OR14I1: variants seen among roughly 807,000 people sequenced by gnomAD.
The protein encoded by OR14I1 is olfactory receptor family 14 subfamily I member 1.
For missense variants in OR14I1, 279 were observed against 181.8 expected (o/e 1.53, Z -3.07); for synonymous variants, 118 against 71.1 (o/e 1.66, Z -3.32).
At chr1:248,680,115 T>C (rs543950956), downstream of OR14I1, among the ~76,000 whole-genome samples, 11 of 152,368 alleles carry the variant, frequency 7.2e-5, no homozygotes, top group African/African-American at 2.6e-4. Flanking sequence ...AGTAACTTTT[T>C]TCCTTGTTTT....
chr1:248,681,594 G>A (rs938797156), exon 1 of OR14I1: 13 of 780,918 alleles, frequency 1.7e-5, no homozygotes, highest in African/African-American at 5.1e-5. Flanking sequence ...GGGAGCAGGT[G>A]GAGAAGGCTT....
At chr1:248,681,338 G>T (rs1476532438) in exon 1 of OR14I1, 90 of 598,500 alleles carry the variant, frequency 1.5e-4, no homozygotes, top group South Asian at 3.0e-4. Flanking sequence ...GGGTTTTGTT[G>T]CAGATCTTCT....
the OR14I1 span, among the ~76,000 whole-genome samples, chr1:248,700,475 T>A: frequency 0.16 from 24,717 of 152,182 alleles, 2,294 homozygotes; most frequent in African/African-American, 0.26. Flanking sequence ...TCAAAGGACT[T>A]CCTAATTTAT....
At chr1:248,698,544 C>T in the OR14I1 span, among the ~76,000 whole-genome samples, 1 of 152,200 alleles carries the variant, frequency 6.6e-6, no homozygotes, top group Non-Finnish European at 1.5e-5. Flanking sequence ...CTTCTTACTA[C>T]CATTGGCATA....
At chr1:248,682,329 T>C (rs1342024049), upstream of OR14I1, 1 of 709,262 alleles carries the variant, frequency 1.4e-6, no homozygotes, top group Non-Finnish European at 2.6e-6. Flanking sequence ...TGTGATCTGA[T>C]TGTTGAGAAA....
chr1:248,683,793 G>T (rs1051427624), upstream of OR14I1, among the ~76,000 whole-genome samples: 1 of 152,346 alleles, frequency 6.6e-6, no homozygotes, highest in East Asian at 1.9e-4. Context: ...CAGCACTTTC[G>T]GAGGTTGAGG....
the OR14I1 span, among the ~76,000 whole-genome samples, chr1:248,688,245 G>A: frequency 1.3e-5 from 2 of 152,200 alleles, no homozygotes; most frequent in African/African-American, 4.8e-5. Context: ...GACCCAGTTA[G>A]GGCAAGACAG....
chr1:248,688,178 C>G, the OR14I1 span, among the ~76,000 whole-genome samples: 1 of 152,160 alleles, frequency 6.6e-6, no homozygotes, highest in Non-Finnish European at 1.5e-5. Context: ...AAGCACAGAG[C>G]TTGGACTTCC....
chr1:248,681,358 A>G (rs1264169532), exon 1 of OR14I1: 3 of 716,838 alleles, frequency 4.2e-6, no homozygotes, highest in South Asian at 3.2e-5. Context: ...TATAGTAAAG[A>G]CCAGGATGTT....
At chr1:248,680,462 T>C (rs1406799003), downstream of OR14I1, among the ~76,000 whole-genome samples, 1 of 152,176 alleles carries the variant, frequency 6.6e-6, no homozygotes, top group African/African-American at 2.4e-5. Context: ...TTTCCACGAA[T>C]CCTCTTCCCA....
chr1:248,682,225 C>T (rs374346348), exon 1 of OR14I1: 3 of 780,430 alleles, frequency 3.8e-6, no homozygotes, highest in Middle Eastern at 2.3e-4. Context: ...CAGAAACAGC[C>T]CGGCGTGCAG....
At chr1:248,695,379 G>A in the OR14I1 span, among the ~76,000 whole-genome samples, 23 of 151,452 alleles carry the variant, frequency 1.5e-4, no homozygotes, top group African/African-American at 3.9e-4. Context: ...GACTACAGGC[G>A]CCCGCCACCA....
the OR14I1 span, among the ~76,000 whole-genome samples, chr1:248,694,894 G>T: frequency 6.6e-6 from 1 of 152,340 alleles, no homozygotes; most frequent in East Asian, 1.9e-4. Context: ...TGATCAAAAT[G>T]TCTATGCCTG....
the OR14I1 span, among the ~76,000 whole-genome samples, chr1:248,695,067 TTTGGAAAGAGA>T: frequency 6.6e-6 from 1 of 151,920 alleles, no homozygotes; most frequent in South Asian, 2.1e-4. Context: ...TATGAAAGAG[TTTGGAAAGAGA>T]CAAAAGGGGA....
At chr1:248,683,652 T>A (rs1485923971), upstream of OR14I1, among the ~76,000 whole-genome samples, 3 of 152,208 alleles carry the variant, frequency 2.0e-5, no homozygotes, top group East Asian at 5.8e-4. Flanking sequence ...AATGAAAAAA[T>A]TTGAAGATAA....
chr1:248,683,954 C>A (rs1294067016), upstream of OR14I1, among the ~76,000 whole-genome samples: 1 of 152,186 alleles, frequency 6.6e-6, no homozygotes, highest in Non-Finnish European at 1.5e-5. Context: ...CTCGCTTGAA[C>A]CTGGGAGGTG....
At chr1:248,687,716 C>G in the OR14I1 span, among the ~76,000 whole-genome samples, 5 of 152,184 alleles carry the variant, frequency 3.3e-5, no homozygotes, top group Admixed American at 2.6e-4. Context: ...TGTGAACAAG[C>G]TTTTATGGGC....
At chr1:248,678,655 C>T (rs1191114359), downstream of OR14I1, among the ~76,000 whole-genome samples, 3 of 152,148 alleles carry the variant, frequency 2.0e-5, no homozygotes, top group Admixed American at 6.5e-5. Context: ...AGGTTACCTA[C>T]AAAGCCTTAA....
the OR14I1 span, among the ~76,000 whole-genome samples, chr1:248,690,477 A>AGG: frequency 6.6e-6 from 1 of 152,010 alleles, no homozygotes; most frequent in African/African-American, 2.4e-5. Context: ...TAGAAAATCT[A>AGG]GAAGAAACGG....
Sources: allele counts gnomAD v4.1 joint callset (sites outside exome capture counted in the v4.1 genomes callset), GRCh38; gene constraint gnomAD v4.1.1; transcripts MANE v1.5; gene names NCBI Gene and HGNC (gene_info 2026-07-23, HGNC 2026-07-21).